The following CLCF1 variants were observed in gnomAD, a reference collection of about 807,000 sequenced individuals.
The protein encoded by CLCF1 is cardiotrophin-like cytokine factor 1.
In CLCF1, 10 loss-of-function variants were observed where a neutral mutation model predicts 21.2. The observed-to-expected ratio is 0.47, with a 90% CI of 0.29 to 0.80. CLCF1 has a LOEUF of 0.80. CLCF1 is among the 30% of genes least tolerant of loss of function. The probability of loss-of-function intolerance (pLI) is 0.09; values close to 1 mark genes in which losing one functional copy is unlikely to be tolerated. For missense variants in CLCF1, 240 were observed against 293.4 expected (o/e 0.82, Z 1.33); for synonymous variants, 115 against 120.5 (o/e 0.95, Z 0.30).
chr11:67,367,818 T>C (rs1184510252), intron 1 of CLCF1, 192 bp from the exon 2 acceptor site: 2 of 985,192 alleles, frequency 2.0e-6, no homozygotes, highest in South Asian at 4.7e-5. Context: ...GGCATGTGTA[T>C]GTTTGAGGAT....
At chr11:67,367,110 C>T (rs1413573309) in intron 2 of CLCF1, among the ~76,000 whole-genome samples, 2 of 152,052 alleles carry the variant, frequency 1.3e-5, no homozygotes, top group Non-Finnish European at 2.9e-5. Context: ...AGGTGGGGCC[C>T]CTCTGTCCCC....
intron 1 of CLCF1, chr11:67,368,816 G>A (rs1451502931): frequency 1.0e-6 from 1 of 984,798 alleles, no homozygotes; most frequent in Non-Finnish European, 1.2e-6. Flanking sequence ...ATGGGGCGCT[G>A]CTTGTCATGT....
In CLCF1 at chr11:67,365,188, ATCT is replaced by A. The variant is rs747569629; in HGVS notation, c.623_625del (p.Lys208del). On this transcript the variant is annotated inframe_deletion, in exon 3 of 3. Coordinates refer to ENST00000312438, the MANE Select transcript of CLCF1 (RefSeq NM_013246.3). This position sits in a 1 kb window ranked among gnomAD's most constrained non-coding sequence, Gnocchi z 5.0. ...GGTGACTGCAGCTGCTGGAGGCTGC[ATCT>A]TCTTCTTGAGCCGGTTGAAGTCCTT... 4.0e-5 allele frequency: 65 copies of A among 1,613,930 alleles called. No homozygotes were observed. The highest frequency in any genetic ancestry group is 5.1e-5 in the Non-Finnish European group (60 of 1,180,044).
At chr11:67,371,649 C>T (rs1320262534) in intron 1 of CLCF1, among the ~76,000 whole-genome samples, 2 of 152,020 alleles carry the variant, frequency 1.3e-5, no homozygotes, top group African/African-American at 2.4e-5. Context: ...GGGGGGAGCC[C>T]AGCAGCCCAC....
rs773547381 is a variant in CLCF1 at position 67,365,566 on chromosome 11, G to C, written c.248C>G (p.Thr83Ser). 1 of 1,613,940 alleles carries C rather than the reference G, an allele frequency of 6.2e-7. No individual in the cohort carries two copies. Among genetic ancestry groups the C allele is most frequent in the Non-Finnish European group, 8.5e-7 (1 of 1,179,814 alleles). Residue 83 changes from threonine to serine, a missense_variant, in exon 3 of 3, where the codon ACT (threonine) becomes AGT (serine). By Grantham distance (58) the Thr-to-Ser change is moderately conservative (BLOSUM62 1). Coordinates refer to ENST00000312438, the MANE Select transcript of CLCF1 (RefSeq NM_013246.3). The surrounding 1 kb of genome is among the most constrained non-coding windows in gnomAD (Gnocchi z 5.0). ...CAAGTCAACAGTGGCCCTGGGCAGA[G>C]TCTCTGCCCCCAGGCGGGGAGGGTT... ...DFNPPRLGAE[T>S]LPRATVDLEV...
upstream of CLCF1, chr11:67,373,812 C>T (rs1862289216): frequency 9.5e-7 from 1 of 1,053,190 alleles, no homozygotes; most frequent in East Asian, 3.7e-5. Flanking sequence ...GGGAGGGCTT[C>T]TGGGGCTCCC....
rs936234890 is a variant in CLCF1, at chr11:67,371,151, C to T, written c.16+2373G>A. 3.5e-6 allele frequency: 3 copies of T among 851,618 alleles called. No homozygotes were observed. The African/African-American group carries it at 5.5e-5, about 16-fold the overall frequency. 52.8% of individuals were successfully genotyped at this position (851,618 alleles called of 1,614,324 possible). On this transcript the variant is annotated intron_variant, in intron 1 of 2. Coordinates refer to ENST00000312438, the MANE Select transcript of CLCF1 (RefSeq NM_013246.3). ...AGGGGCGTGTCCTGACCTACCTTCC[C>T]AGGCAAAGGCCCACAGAAACCCATC...
intron 1 of CLCF1, chr11:67,370,118 G>T: frequency 1.0e-6 from 1 of 984,982 alleles, no homozygotes; most frequent in Non-Finnish European, 1.2e-6. Flanking sequence ...AGAAAAGAAA[G>T]GGGGGGTAGA....
chr11:67,367,356 C>G, intron 2 of CLCF1, 104 bp downstream of exon 2: 1 of 1,560,390 alleles, frequency 6.4e-7, no homozygotes. Context: ...AGCCAAAGAG[C>G]CCCTCCTCAC....
Position 67,367,630 on chromosome 11 carries a change from T to G in CLCF1, c.17-4A>C, listed in dbSNP as rs1862140623. On this transcript the variant is annotated splice_region_variant and splice_polypyrimidine_tract_variant and intron_variant, in intron 1 of 2. Coordinates refer to ENST00000312438, the MANE Select transcript of CLCF1 (RefSeq NM_013246.3). ...GCTAACATCCCCCACGAGTCCCCTG[T>G]GGGCAGGATGGACGAGAAGCATGAG... 1 of 1,612,286 alleles carries G rather than the reference T, an allele frequency of 6.2e-7. No individual in the cohort carries two copies. The highest frequency in any genetic ancestry group is 8.5e-7 in the Non-Finnish European group (1 of 1,179,706).
rs1862248147 is a variant in CLCF1, at chr11:67,372,111, G to A, written c.16+1413C>T. ...GCAACGTGTGCTCCCGAGCTGTGGC[G>A]GAGGTCAGTCGGGGTCAGTGAAAGC... On this transcript the variant is annotated intron_variant, in intron 1 of 2. Coordinates refer to ENST00000312438, the MANE Select transcript of CLCF1 (RefSeq NM_013246.3). This position sits in a 1 kb window ranked among gnomAD's most constrained non-coding sequence, Gnocchi z 5.9. 6.6e-6 allele frequency among the ~76,000 whole-genome samples: 1 copy of A among 152,138 alleles called. No individual in the cohort carries two copies. Among genetic ancestry groups the A allele is most frequent in the Non-Finnish European group, 1.5e-5 (1 of 67,998 alleles).
intron 1 of CLCF1, chr11:67,368,912 C>CTTTTTTTTTTTTTTTTTTTTTTCTTTT (rs10666079): frequency 3.6e-6 from 2 of 561,544 alleles, no homozygotes; most frequent in Non-Finnish European, 4.2e-6. Context: ...TTTTTTTTTC[C>CTTTTTTTTTTTTTTTTTTTTTTCTTTT]TTTTTTTTTT....
Position 67,372,110 on chromosome 11 carries a change from C to T in CLCF1, c.16+1414G>A, listed in dbSNP as rs1862248096. On this transcript the variant is annotated intron_variant, in intron 1 of 2. Transcript: ENST00000312438. This position sits in a 1 kb window ranked among gnomAD's most constrained non-coding sequence, Gnocchi z 5.9. ...GGCAACGTGTGCTCCCGAGCTGTGG[C>T]GGAGGTCAGTCGGGGTCAGTGAAAG... Among the ~76,000 whole-genome samples the T allele has an allele frequency of 6.6e-6, 1 of 152,054 alleles. No individual in the cohort carries two copies. The highest frequency in any genetic ancestry group is 2.4e-5 in the African/African-American group (1 of 41,404).
chr11:67,369,962 G>C (rs972662905), intron 1 of CLCF1: 1 of 985,284 alleles, frequency 1.0e-6, no homozygotes, highest in African/African-American at 1.7e-5. Context: ...AGACGAGGCC[G>C]GTGTTTCCAG....
intron 1 of CLCF1, chr11:67,370,101 G>C: frequency 1.0e-6 from 1 of 985,362 alleles, no homozygotes; most frequent in Non-Finnish European, 1.2e-6. Context: ...AGGGAGAAGA[G>C]GTTAGGAGAA....
chr11:67,365,779 G>T lies in CLCF1; in HGVS notation c.184-149C>A. On this transcript the variant is annotated intron_variant, in intron 2 of 2. Coordinates refer to ENST00000312438, the MANE Select transcript of CLCF1 (RefSeq NM_013246.3). This position sits in a 1 kb window ranked among gnomAD's most constrained non-coding sequence, Gnocchi z 5.0. ...AGGCTTCTTTGTTCATGGCCTCCCT[G>T]AGTTTTTCCAATAAGGATATCATTT... The T allele has an allele frequency of 1.6e-6, 2 of 1,217,132 alleles. No individual in the cohort carries two copies. Among genetic ancestry groups the T allele is most frequent in the Non-Finnish European group, 2.2e-6 (2 of 896,894 alleles). 75.4% of individuals were successfully genotyped at this position (1,217,132 alleles called of 1,614,324 possible). A position where few individuals can be genotyped will look rare whatever the true frequency, so the allele number is the denominator to read the frequency against.
intron 1 of CLCF1, among the ~76,000 whole-genome samples, chr11:67,371,892 CTG>C (rs1439581463): frequency 6.6e-6 from 1 of 151,996 alleles, no homozygotes; most frequent in African/African-American, 2.4e-5. Flanking sequence ...GAGTGTGGGT[CTG>C]TGAATGAAGG....
chr11:67,365,578 A>G lies in CLCF1; in HGVS notation c.236T>C (p.Leu79Pro). The G allele has an allele frequency of 6.2e-7, 1 of 1,613,734 alleles. No homozygotes were observed. Residue 79 changes from leucine to proline, a missense_variant, in exon 3 of 3, where the codon CTG becomes CCG. Physicochemically the swap from Leu to Pro is moderately conservative, Grantham distance 98 (BLOSUM62 -3). Transcript: ENST00000312438. This position sits in a 1 kb window ranked among gnomAD's most constrained non-coding sequence, Gnocchi z 5.0. ...FNEPDFNPPRLGAETLPRATV... is the reference protein window; with the variant it reads ...FNEPDFNPPRPGAETLPRATV... ...GGCCCTGGGCAGAGTCTCTGCCCCC[A>G]GGCGGGGAGGGTTGAAGTCTGGCTC...
upstream of CLCF1, chr11:67,373,867 G>T: frequency 1.0e-6 from 1 of 970,026 alleles, no homozygotes; most frequent in Non-Finnish European, 1.3e-6. Context: ...AGGCGAGGCT[G>T]TGGCGGTACC....
Sources: gnomAD v4.1 joint callset for allele counts (sites outside exome capture counted in the v4.1 genomes callset) on GRCh38, gnomAD v4.1.1 for gene constraint, Gnocchi (gnomAD v3.1) non-coding constraint, MANE v1.5 for transcripts, NCBI Gene and HGNC (gene_info 2026-07-23, HGNC 2026-07-21) for gene names.